The following DNAH3 variants were observed in gnomAD, a reference collection of about 807,000 sequenced individuals.
DNAH3 encodes axonemal beta dynein heavy chain 3.
Under a neutral mutation model 432.5 loss-of-function variants are expected in DNAH3, and 332 were observed. The observed-to-expected ratio is 0.77, with a 90% CI of 0.70 to 0.84. The LOEUF (loss-of-function observed/expected upper bound fraction) is 0.84. Among genes scored for constraint, DNAH3 ranks in the 40% least tolerant of loss-of-function variants. The pLI is 0.00. For missense variants in DNAH3, 4,861 were observed against 5,114.0 expected (o/e 0.95, Z 1.51); for synonymous variants, 1,956 against 1,900.2 (o/e 1.03, Z -0.76).
chr16:21,121,011 G>A, intron 10 of DNAH3: 1 of 712,582 alleles, frequency 1.4e-6, no homozygotes, highest in Non-Finnish European at 2.6e-6. Flanking sequence ...ATTGCAAAGA[G>A]AAGAATGCTT....
At chr16:21,106,298 C>T (rs1450069269) in intron 15 of DNAH3, among the ~76,000 whole-genome samples, 192 bp downstream of exon 15, 2 of 151,912 alleles carry the variant, frequency 1.3e-5, no homozygotes, top group South Asian at 2.1e-4. Context: ...AAATTCGTGC[C>T]TCTAACATAT....
chr16:21,156,638 G>A (rs145241513), intron 1 of DNAH3, among the ~76,000 whole-genome samples: 2 of 152,160 alleles, frequency 1.3e-5, no homozygotes, highest in Non-Finnish European at 2.9e-5. Flanking sequence ...GATTTTAGAG[G>A]AACAGACATT....
chr16:21,038,041 A>G, intron 33 of DNAH3, 61 bp from the exon 34 acceptor site: 3 of 1,463,836 alleles, frequency 2.0e-6, no homozygotes, highest in Non-Finnish European at 2.8e-6. Context: ...CCCAGCAGAC[A>G]TTCCCAATAT....
At chr16:21,101,555 ATTCACTCCCATG>A (rs1180222728) in intron 16 of DNAH3, among the ~76,000 whole-genome samples, 1 of 152,210 alleles carries the variant, frequency 6.6e-6, no homozygotes, top group East Asian at 1.9e-4. Flanking sequence ...AGGAAATAGA[ATTCACTCCCATG>A]TTCAAAGAAA....
chr16:20,951,621 T>C (rs2084314143), intron 56 of DNAH3, among the ~76,000 whole-genome samples: 1 of 151,844 alleles, frequency 6.6e-6, no homozygotes, highest in South Asian at 2.1e-4. Flanking sequence ...TTTTTGTATT[T>C]TTTGTAGAGA....
chr16:21,094,352 C>T (rs916058342), intron 18 of DNAH3, among the ~76,000 whole-genome samples: 1 of 152,180 alleles, frequency 6.6e-6, no homozygotes, highest in African/African-American at 2.4e-5. Flanking sequence ...TGAGACATCA[C>T]AACTACTTAT....
chr16:20,955,045 G>C (rs370453741), exon 55 of DNAH3: 7 of 1,606,678 alleles, frequency 4.4e-6, no homozygotes, highest in Non-Finnish European at 6.0e-6. Flanking sequence ...ATGGATAGCT[G>C]GTTAGCCAGA....
At chr16:21,023,385 T>C (rs1423963660) in intron 39 of DNAH3, among the ~76,000 whole-genome samples, 2 of 152,124 alleles carry the variant, frequency 1.3e-5, no homozygotes, top group African/African-American at 4.8e-5. Flanking sequence ...CTATAGATCA[T>C]GCAAAGTTCT....
intron 51 of DNAH3, among the ~76,000 whole-genome samples, chr16:20,971,160 G>A (rs2152637994): frequency 6.6e-6 from 1 of 151,862 alleles, no homozygotes; most frequent in South Asian, 2.1e-4. Flanking sequence ...GAGCCTCTGT[G>A]CTCAGCCGTA....
At chr16:20,964,285 C>T in exon 53 of DNAH3, 1 of 1,614,158 alleles carries the variant, frequency 6.2e-7, no homozygotes, top group Non-Finnish European at 8.5e-7. Context: ...ATCTTGGAGA[C>T]CCAAGGGGGT....
At chr16:21,105,620 G>T (rs1283585506) in intron 15 of DNAH3, among the ~76,000 whole-genome samples, 3 of 152,114 alleles carry the variant, frequency 2.0e-5, no homozygotes, top group South Asian at 2.1e-4. Context: ...ACAAAAATTA[G>T]TTGGGCGTGG....
intron 21 of DNAH3, among the ~76,000 whole-genome samples, chr16:21,071,301 C>T (rs1266784573): frequency 1.3e-5 from 2 of 152,034 alleles, no homozygotes; most frequent in African/African-American, 4.8e-5. Context: ...CTCGGCCTCC[C>T]AAAGTGCTGG....
chr16:21,127,424 G>C (rs1026209315), intron 8 of DNAH3, among the ~76,000 whole-genome samples: 1 of 151,914 alleles, frequency 6.6e-6, no homozygotes, highest in African/African-American at 2.4e-5. Flanking sequence ...AGCCGGGCAT[G>C]GTGGCATGCA....
intron 37 of DNAH3, 55 bp from the exon 38 acceptor site, chr16:21,027,182 CAAGT>C (rs1245177579): frequency 7.8e-7 from 1 of 1,286,908 alleles, no homozygotes; most frequent in Non-Finnish European, 1.1e-6. Flanking sequence ...ATTCCATCTG[CAAGT>C]AAGAGGTCTC....
At chr16:21,158,566 G>C (rs2092916687) in intron 1 of DNAH3, 2 of 152,338 alleles carry the variant, frequency 1.3e-5, no homozygotes, top group Admixed American at 1.3e-4. Flanking sequence ...GGATCCTTCC[G>C]GCCACGGGCG....
At chr16:21,087,759 C>T (rs570322980) in intron 18 of DNAH3, among the ~76,000 whole-genome samples, 2 of 151,952 alleles carry the variant, frequency 1.3e-5, no homozygotes, top group South Asian at 4.2e-4. Context: ...ATTAGCCAGG[C>T]ATGGTGGCAT....
At chr16:21,063,458 C>T (rs1464562383) in intron 24 of DNAH3, among the ~76,000 whole-genome samples, 1 of 150,090 alleles carries the variant, frequency 6.7e-6, no homozygotes, top group Admixed American at 6.6e-5. Flanking sequence ...CCTCTACCAC[C>T]TTTTATTTAT....
At chr16:20,980,042 GC>G (rs1462150919) in intron 49 of DNAH3, among the ~76,000 whole-genome samples, 4 of 151,462 alleles carry the variant, frequency 2.6e-5, no homozygotes, top group Non-Finnish European at 5.9e-5. Flanking sequence ...GAGCCACCAC[GC>G]CCAGCCACAA....
chr16:21,087,108 G>C lies in DNAH3; in HGVS notation c.2666-48C>G, dbSNP rs368975872. 1.3e-5 allele frequency: 19 copies of C among 1,462,524 alleles called. No individual in the cohort carries two copies. In the African/African-American group the frequency reaches 2.4e-4, roughly 18 times the overall value. 90.6% of individuals were successfully genotyped at this position (1,462,524 alleles called of 1,614,324 possible). A position where few individuals can be genotyped will look rare whatever the true frequency, so the allele number is the denominator to read the frequency against. The stretch of plus-strand genomic sequence containing the variant: ...AGGTCAGACCATCATGTGGATGTTA[G>C]TCATGCGTACCTTTAATTCCCTGAA... On this transcript the variant is annotated intron_variant, in intron 18 of 61. Coordinates refer to ENST00000261383, the Ensembl canonical transcript of DNAH3.
Sources: gnomAD v4.1 joint callset for allele counts (sites outside exome capture counted in the v4.1 genomes callset) on GRCh38, gnomAD v4.1.1 for gene constraint, MANE v1.5 for transcripts, NCBI Gene and HGNC (gene_info 2026-07-23, HGNC 2026-07-21) for gene names.